AGPAT4: variants seen among roughly 807,000 people sequenced by gnomAD.
AGPAT4 encodes 1-acylglycerol-3-phosphate O-acyltransferase 4, also known as 1-acyl-sn-glycerol-3-phosphate acyltransferase delta.
In AGPAT4, 15 loss-of-function variants were observed where a neutral mutation model predicts 48.0. The observed-to-expected ratio is 0.31, with a 90% CI of 0.21 to 0.48. The LOEUF (loss-of-function observed/expected upper bound fraction) is 0.48, where lower values mean the gene tolerates loss of function less well. AGPAT4 is among the 20% of genes least tolerant of loss of function. The probability of loss-of-function intolerance (pLI) is 0.99; values close to 1 mark genes in which losing one functional copy is unlikely to be tolerated. For synonymous variants in AGPAT4, 178 were observed against 198.7 expected (o/e 0.90, Z 0.88); for missense variants, 314 against 482.5 (o/e 0.65, Z 3.27).
In AGPAT4 at chr6:161,217,497, T is replaced by TG. The variant is rs1478459482; in HGVS notation, c.178+14538dup. ...AGACATGCTTCTCCCTGTGTGTCCC[T>TG]GGGGGAGTCCATCAGGTGCATGGTA... On this transcript the variant is annotated intron_variant, in intron 2 of 8. Transcript: ENST00000320285. This position sits in a 1 kb window ranked among gnomAD's most constrained non-coding sequence, Gnocchi z 4.9. Among the ~76,000 whole-genome samples, 1 of 152,314 alleles carries TG rather than the reference T, an allele frequency of 6.6e-6. No individual in the cohort carries two copies. The highest frequency in any genetic ancestry group is 6.5e-5 in the Admixed American group (1 of 15,304).
chr6:161,245,673 G>A lies in AGPAT4; in HGVS notation c.-89-13371C>T, dbSNP rs1199361833. ...AAACTGGGCTCTTTTCTCTTTGGTA[G>A]GCCCCTCCCTCTCCTACTCACTGTC... On this transcript the variant is annotated intron_variant, in intron 1 of 8. Transcript: ENST00000320285. This position sits in a 1 kb window ranked among gnomAD's most constrained non-coding sequence, Gnocchi z 5.2. 6.6e-6 allele frequency among the ~76,000 whole-genome samples: 1 copy of A among 152,064 alleles called. No individual in the cohort carries two copies. Among genetic ancestry groups the A allele is most frequent in the Non-Finnish European group, 1.5e-5 (1 of 68,006 alleles).
In AGPAT4 at chr6:161,171,984, A is replaced by G; in HGVS notation, c.179-5567T>C. Reference sequence around the variant, plus strand: ...ACATTCAGAACATAGCATCCCTGAAATATTTACCTTCTTGTCTAGGCATCC... The same window carrying G: ...ACATTCAGAACATAGCATCCCTGAAGTATTTACCTTCTTGTCTAGGCATCC... On this transcript the variant is annotated intron_variant, in intron 2 of 8. Transcript: ENST00000320285. The surrounding 1 kb of genome is among the most constrained non-coding windows in gnomAD (Gnocchi z 4.4). 6.6e-6 allele frequency among the ~76,000 whole-genome samples: 1 copy of G among 152,232 alleles called. No individual in the cohort carries two copies. Among genetic ancestry groups the G allele is most frequent in the East Asian group, 1.9e-4 (1 of 5,200 alleles).
At position 161,164,060 on chromosome 6, in the gene AGPAT4, G is replaced by T. The variant is rs533180354; in HGVS notation, c.348+2188C>A. Among the ~76,000 whole-genome samples, 8 of 152,210 alleles carry T rather than the reference G, an allele frequency of 5.3e-5. No homozygotes were observed. Among genetic ancestry groups the T allele is most frequent in the African/African-American group, 1.9e-4 (8 of 41,448 alleles). ...GGTGCGGTCCCTATGCTGCAGGTGGGATGGGCGTGCTGTTGACTTGCTTTC... is the reference window on the plus strand; with the variant it reads ...GGTGCGGTCCCTATGCTGCAGGTGGTATGGGCGTGCTGTTGACTTGCTTTC... On this transcript the variant is annotated intron_variant, in intron 3 of 8. Coordinates refer to ENST00000320285, the MANE Select transcript of AGPAT4 (RefSeq NM_020133.3). This position sits in a 1 kb window ranked among gnomAD's most constrained non-coding sequence, Gnocchi z 7.4.
Position 161,154,426 on chromosome 6 carries a change from G to A in AGPAT4, c.349-116C>T, listed in dbSNP as rs1583285967. 1 of 1,178,664 alleles carries A rather than the reference G, an allele frequency of 8.5e-7. No individual in the cohort carries two copies. The highest frequency in any genetic ancestry group is 1.5e-5 in the South Asian group (1 of 68,932). The allele number at this position is 1,178,664 out of a possible 1,614,324, so 73.0% of individuals were successfully genotyped here. On this transcript the variant is annotated intron_variant, in intron 3 of 8. Coordinates refer to ENST00000320285, the MANE Select transcript of AGPAT4 (RefSeq NM_020133.3). This position sits in a 1 kb window ranked among gnomAD's most constrained non-coding sequence, Gnocchi z 7.8. ...GGGACGTTCACACCAGACGCCTCGG[G>A]ACAGTCCCAGAACACATGCTGTCGA...
rs1034600905 is a variant in AGPAT4 at position 161,222,880 on chromosome 6, C to G, written c.178+9156G>C. 6.6e-6 allele frequency among the ~76,000 whole-genome samples: 1 copy of G among 152,140 alleles called. No individual in the cohort carries two copies. The highest frequency in any genetic ancestry group is 2.4e-5 in the African/African-American group (1 of 41,426). On this transcript the variant is annotated intron_variant, in intron 2 of 8. Transcript: ENST00000320285. This position sits in a 1 kb window ranked among gnomAD's most constrained non-coding sequence, Gnocchi z 5.9. ...TGACATTTGATAGGTCCATCTCCTT[C>G]GGGTGCCTGGCTGCCTGAATAAACC...
At chr6:161,168,034 C>T (rs1780155586) in intron 2 of AGPAT4, among the ~76,000 whole-genome samples, 1 of 152,122 alleles carries the variant, frequency 6.6e-6, no homozygotes, top group African/African-American at 2.4e-5. Context: ...ATTCAGTTGT[C>T]CCACCAGGCC....
At chr6:161,170,470 C>CGT (rs1238597456) in intron 2 of AGPAT4, among the ~76,000 whole-genome samples, 4 of 64,136 alleles carry the variant, frequency 6.2e-5, no homozygotes, top group Non-Finnish European at 1.4e-4. Context: ...CACGTGCGCG[C>CGT]GCGCACACAC....
At chr6:161,157,655 T>C (rs1299278505) in intron 3 of AGPAT4, among the ~76,000 whole-genome samples, 2 of 152,236 alleles carry the variant, frequency 1.3e-5, no homozygotes, top group African/African-American at 4.8e-5. Flanking sequence ...TAATCCATCT[T>C]TCAGCCTTAA....
rs1781784271 is a variant in AGPAT4, at chr6:161,219,940, AGGCAGG to A, written c.178+12090_178+12095del. On this transcript the variant is annotated intron_variant, in intron 2 of 8. Coordinates refer to ENST00000320285, the MANE Select transcript of AGPAT4 (RefSeq NM_020133.3). This position sits in a 1 kb window ranked among gnomAD's most constrained non-coding sequence, Gnocchi z 4.9. ...GCGGCAGGCAGGCAGGCAGGCAGGC[AGGCAGG>A]CAGACAGACAGACAGACAGACAGGC... Among the ~76,000 whole-genome samples the A allele has an allele frequency of 6.5e-4, 97 of 150,136 alleles. No homozygotes were observed. Among genetic ancestry groups the A allele is most frequent in the African/African-American group, 2.3e-3 (92 of 39,882 alleles).
rs1400479349 is a variant in AGPAT4, at chr6:161,238,520, T to C, written c.-89-6218A>G. ...TAATGTGTTAAAGCATCCTCCCCCATATGTTTTCATTCTAACCTATACTTT... is the reference window on the plus strand; with the variant it reads ...TAATGTGTTAAAGCATCCTCCCCCACATGTTTTCATTCTAACCTATACTTT... On this transcript the variant is annotated intron_variant, in intron 1 of 8. Transcript: ENST00000320285. The surrounding 1 kb of genome is among the most constrained non-coding windows in gnomAD (Gnocchi z 5.2). Among the ~76,000 whole-genome samples the C allele has an allele frequency of 6.6e-6, 1 of 152,230 alleles. No homozygotes were observed. Among genetic ancestry groups the C allele is most frequent in the Non-Finnish European group, 1.5e-5 (1 of 68,030 alleles).
intron 5 of AGPAT4, among the ~76,000 whole-genome samples, chr6:161,150,671 A>T (rs2114962827): frequency 6.6e-6 from 1 of 152,210 alleles, no homozygotes; most frequent in African/African-American, 2.4e-5. Flanking sequence ...GAGACCACTC[A>T]CCCCCGCCTT....
At position 161,203,381 on chromosome 6, in the gene AGPAT4, C is replaced by CTTT. The variant is rs10585542; in HGVS notation, c.178+28652_178+28654dup. 4.6e-3 allele frequency among the ~76,000 whole-genome samples: 506 copies of CTTT among 110,574 alleles called. 10 individuals carry two copies. Among genetic ancestry groups the CTTT allele is most frequent in the African/African-American group, 8.6e-3 (270 of 31,512 alleles). 72.5% of individuals were successfully genotyped at this position (110,574 alleles called of 152,430 possible). On this transcript the variant is annotated intron_variant, in intron 2 of 8. Coordinates refer to ENST00000320285, the MANE Select transcript of AGPAT4 (RefSeq NM_020133.3). ...TTGTGGGAGAGTGTTCTTTTTCTTTCTTTTTTTTTTTTTTTTTTTTTTTTG... is the reference window on the plus strand; with the variant it reads ...TTGTGGGAGAGTGTTCTTTTTCTTTCTTTTTTTTTTTTTTTTTTTTTTTTTTTG...
chr6:161,165,174 C>A lies in AGPAT4; in HGVS notation c.348+1074G>T, dbSNP rs1165947431. ...TCTCCACATCAGAGAATGATAGTTA[C>A]TAGAATGTTTGCTCTTGTTCCTAGA... is the stretch of plus-strand genomic sequence containing the variant. On this transcript the variant is annotated intron_variant, in intron 3 of 8. Coordinates refer to ENST00000320285, the MANE Select transcript of AGPAT4 (RefSeq NM_020133.3). This position sits in a 1 kb window ranked among gnomAD's most constrained non-coding sequence, Gnocchi z 5.5. 6.6e-6 allele frequency among the ~76,000 whole-genome samples: 1 copy of A among 152,200 alleles called. No homozygotes were observed. The highest frequency in any genetic ancestry group is 2.4e-5 in the African/African-American group (1 of 41,444).
At chr6:161,210,360 A>T (rs920487313) in intron 2 of AGPAT4, among the ~76,000 whole-genome samples, 2 of 152,212 alleles carry the variant, frequency 1.3e-5, no homozygotes, top group Non-Finnish European at 2.9e-5. Context: ...ACAGCTGCCT[A>T]GGATTGTGAA....
intron 2 of AGPAT4, among the ~76,000 whole-genome samples, chr6:161,185,129 T>C (rs551016072): frequency 6.4e-5 from 8 of 125,962 alleles, no homozygotes; most frequent in South Asian, 5.2e-4. Flanking sequence ...CCTATGTAAA[T>C]ACTCCAAATG....
rs1299208496 is a variant in AGPAT4 at position 161,226,393 on chromosome 6, C to T, written c.178+5643G>A. On this transcript the variant is annotated intron_variant, in intron 2 of 8. Transcript: ENST00000320285. The surrounding 1 kb of genome is among the most constrained non-coding windows in gnomAD (Gnocchi z 6.3). ...CAGGGAGGAGAAGCATAGAGGAAGCCGGCTGCAGAGTTAGCAGAACAAACT... is the reference window on the plus strand; with the variant it reads ...CAGGGAGGAGAAGCATAGAGGAAGCTGGCTGCAGAGTTAGCAGAACAAACT... 2.6e-5 allele frequency among the ~76,000 whole-genome samples: 4 copies of T among 152,150 alleles called. No individual in the cohort carries two copies. Among genetic ancestry groups the T allele is most frequent in the South Asian group, 2.1e-4 (1 of 4,826 alleles).
rs1781833117 is a variant in AGPAT4 at position 161,221,460 on chromosome 6, T to C, written c.178+10576A>G. ...CTTATCAATAAAATAAAGGTAGGGG[T>C]GGGAGAGATAGAAAGGAGAAAAAGG... On this transcript the variant is annotated intron_variant, in intron 2 of 8. Transcript: ENST00000320285. This position sits in a 1 kb window ranked among gnomAD's most constrained non-coding sequence, Gnocchi z 4.5. 6.6e-6 allele frequency among the ~76,000 whole-genome samples: 1 copy of C among 151,706 alleles called. No individual in the cohort carries two copies. Among genetic ancestry groups the C allele is most frequent in the Non-Finnish European group, 1.5e-5 (1 of 67,952 alleles).
In AGPAT4 at chr6:161,147,068, G is replaced by A. The variant is rs945076804; in HGVS notation, c.768-469C>T. ...AATGGCAGATTATCTCCCATCAAAT[G>A]ATTCCTCTGGCCTCTTGGTTAGCCT... is the stretch of plus-strand genomic sequence containing the variant. On this transcript the variant is annotated intron_variant, in intron 6 of 8. Transcript: ENST00000320285. This position sits in a 1 kb window ranked among gnomAD's most constrained non-coding sequence, Gnocchi z 4.8. 6.6e-6 allele frequency among the ~76,000 whole-genome samples: 1 copy of A among 152,210 alleles called. No individual in the cohort carries two copies. The highest frequency in any genetic ancestry group is 1.5e-5 in the Non-Finnish European group (1 of 68,042).
chr6:161,176,961 A>G (rs976376652), intron 2 of AGPAT4, among the ~76,000 whole-genome samples: 5 of 152,232 alleles, frequency 3.3e-5, no homozygotes, highest in African/African-American at 4.8e-5. Flanking sequence ...AGAATGTTCA[A>G]TATTGGCCCC....
Sources: allele counts gnomAD v4.1 joint callset (sites outside exome capture counted in the v4.1 genomes callset), GRCh38; gene constraint gnomAD v4.1.1; non-coding constraint Gnocchi (gnomAD v3.1); transcripts MANE v1.5; gene names NCBI Gene and HGNC (gene_info 2026-07-23, HGNC 2026-07-21).